CYB5R4: variants seen among roughly 807,000 people sequenced by gnomAD.
CYB5R4 encodes the protein N-terminal cytochrome b5 and cytochrome b5 oxidoreductase domain-containing protein.
In CYB5R4, 55 loss-of-function variants were observed where a neutral mutation model predicts 70.2. The observed-to-expected ratio is 0.78, with a 90% CI of 0.63 to 0.98. The LOEUF (loss-of-function observed/expected upper bound fraction) is 0.98, where lower values mean the gene tolerates loss of function less well. Ranked by LOEUF, CYB5R4 falls within the 50% of genes least tolerant of loss-of-function variation. The pLI is 0.00. For synonymous variants in CYB5R4, 197 were observed against 199.5 expected (o/e 0.99, Z 0.11); for missense variants, 562 against 612.6 (o/e 0.92, Z 0.87).
chr6:83,946,546 A>G (rs1187843723), intron 14 of CYB5R4, among the ~76,000 whole-genome samples: 1 of 152,166 alleles, frequency 6.6e-6, no homozygotes, highest in Non-Finnish European at 1.5e-5. Flanking sequence ...CTCCTATTCA[A>G]CATAGTATTG....
intron 7 of CYB5R4, 22 bp from the exon 8 acceptor site, chr6:83,921,060 C>G (rs1037338270): frequency 1.4e-6 from 2 of 1,442,598 alleles, no homozygotes; most frequent in Non-Finnish European, 9.3e-7. Flanking sequence ...TCTAATCTTT[C>G]TATTTTTGCT....
intron 14 of CYB5R4, among the ~76,000 whole-genome samples, chr6:83,944,690 C>T (rs1340117726): frequency 6.6e-6 from 1 of 151,906 alleles, no homozygotes; most frequent in Non-Finnish European, 1.5e-5. Context: ...TCAGGAGACC[C>T]ATCTCATGTA....
chr6:83,865,650 T>C (rs1367307795), intron 2 of CYB5R4, among the ~76,000 whole-genome samples: 3 of 152,180 alleles, frequency 2.0e-5, no homozygotes, highest in Non-Finnish European at 4.4e-5. Flanking sequence ...TATGACCTCA[T>C]TTAATTTTGC....
At chr6:83,865,789 G>A (rs1026269794) in intron 2 of CYB5R4, among the ~76,000 whole-genome samples, 38 of 152,136 alleles carry the variant, frequency 2.5e-4, no homozygotes, top group African/African-American at 8.7e-4. Flanking sequence ...GAAATTTTCA[G>A]TGGCAAAGGG....
intron 12 of CYB5R4, among the ~76,000 whole-genome samples, chr6:83,937,870 G>A (rs955668903): frequency 6.6e-6 from 1 of 152,166 alleles, no homozygotes; most frequent in Non-Finnish European, 1.5e-5. Flanking sequence ...GATCTATTAA[G>A]ATTTAAAAAC....
At chr6:83,950,168 T>G (rs939361578) in intron 14 of CYB5R4, among the ~76,000 whole-genome samples, 1 of 152,148 alleles carries the variant, frequency 6.6e-6, no homozygotes, top group African/African-American at 2.4e-5. Context: ...GATTTTCATG[T>G]CATTAAGTAT....
At chr6:83,888,962 A>C (rs910747303) in intron 2 of CYB5R4, among the ~76,000 whole-genome samples, 2 of 152,220 alleles carry the variant, frequency 1.3e-5, no homozygotes, top group African/African-American at 4.8e-5. Flanking sequence ...AGTGGTGTGG[A>C]TAGATTAAAC....
At chr6:83,949,931 A>G (rs2099471267) in intron 14 of CYB5R4, among the ~76,000 whole-genome samples, 1 of 152,164 alleles carries the variant, frequency 6.6e-6, no homozygotes, top group African/African-American at 2.4e-5. Flanking sequence ...CAGAATTAGT[A>G]TGTTTGTAGC....
At chr6:83,889,518 C>G (rs1204988569) in intron 2 of CYB5R4, among the ~76,000 whole-genome samples, 2 of 152,190 alleles carry the variant, frequency 1.3e-5, no homozygotes, top group East Asian at 1.9e-4. Flanking sequence ...GCATGGTTTA[C>G]TGAATATTTT....
chr6:83,940,313 C>T, intron 13 of CYB5R4, 107 bp downstream of exon 13: 1 of 1,167,356 alleles, frequency 8.6e-7, no homozygotes, highest in Non-Finnish European at 1.2e-6. Flanking sequence ...TTACCATTTC[C>T]TCATTCATCA....
At position 83,965,268 on chromosome 6, in the gene CYB5R4, G is replaced by A. The variant is rs2099473884; in HGVS notation, c.*5390G>A. The A allele has an allele frequency of 6.6e-6, 1 of 152,338 alleles. No individual in the cohort carries two copies. Among genetic ancestry groups the A allele is most frequent in the Non-Finnish European group, 1.5e-5 (1 of 68,156 alleles). The allele number at this position is 152,338 out of a possible 1,614,324, so 9.4% of individuals were successfully genotyped here. On this transcript the variant is annotated 3_prime_UTR_variant, in exon 16 of 16. Transcript: ENST00000369681. ...TACTCAACACCAGCCCATGAAAGCA[G>A]CCAGGATGGAGGCTGTACCCTGAAA... is the stretch of plus-strand genomic sequence containing the variant.
At position 83,892,968 on chromosome 6, in the gene CYB5R4, G is replaced by A. The variant is rs189236541; in HGVS notation, c.230-554G>A. On this transcript the variant is annotated intron_variant, in intron 2 of 15. Transcript: ENST00000369681. ...TGCATGTCTTGAGAGTAGAGGCACT[G>A]TCTTTTTGTACAGTCTTTTAAAGGA... Among the ~76,000 whole-genome samples the A allele has an allele frequency of 3.4e-4, 51 of 152,224 alleles. No individual in the cohort carries two copies. In the East Asian group the frequency reaches 9.5e-3, roughly 28 times the overall value.
intron 9 of CYB5R4, among the ~76,000 whole-genome samples, chr6:83,923,555 G>A (rs1046169254): frequency 5.3e-5 from 8 of 152,072 alleles, no homozygotes; most frequent in African/African-American, 1.9e-4. Context: ...ATCTTTAAAA[G>A]CATGTTCAAT....
At chr6:83,948,456 G>A (rs546084842) in intron 14 of CYB5R4, among the ~76,000 whole-genome samples, 1 of 152,104 alleles carries the variant, frequency 6.6e-6, no homozygotes, top group Non-Finnish European at 1.5e-5. Context: ...CCATGCACAT[G>A]TATACCTATG....
intron 10 of CYB5R4, among the ~76,000 whole-genome samples, chr6:83,931,803 A>ATT (rs751383236): frequency 1.9e-3 from 222 of 116,796 alleles, no homozygotes; most frequent in African/African-American, 7.7e-3. Flanking sequence ...ATATATATAT[A>ATT]TTTTTTTTTT....
At chr6:83,886,154 G>A (rs1364433707) in intron 2 of CYB5R4, among the ~76,000 whole-genome samples, 1 of 152,054 alleles carries the variant, frequency 6.6e-6, no homozygotes, top group Non-Finnish European at 1.5e-5. Flanking sequence ...TGCAGTATAG[G>A]GCATCCCATG....
intron 14 of CYB5R4, among the ~76,000 whole-genome samples, chr6:83,948,781 A>G (rs2099471070): frequency 6.6e-6 from 1 of 151,996 alleles, no homozygotes; most frequent in African/African-American, 2.4e-5. Flanking sequence ...GATCTACATA[A>G]TTTGGGTTGG....
chr6:83,940,116 T>C lies in CYB5R4; in HGVS notation c.1169T>C (p.Leu390Ser). 2 of 1,612,944 alleles carry C rather than the reference T, an allele frequency of 1.2e-6. No homozygotes were observed. Among genetic ancestry groups the C allele is most frequent in the Non-Finnish European group, 1.7e-6 (2 of 1,179,232 alleles). The change falls in exon 13 of 16, where the codon TTA becomes TCA. Residue 390 changes from leucine to serine, a missense_variant. Physicochemically the swap from Leu to Ser is moderately radical, Grantham distance 145 (BLOSUM62 -2). Coordinates refer to ENST00000369681, the MANE Select transcript of CYB5R4 (RefSeq NM_016230.4). ...GNFKISKFQE[L>S]EDLFLLAAGT... Reference sequence around the variant, plus strand: ...TTTAAAATATCCAAGTTCCAAGAATTAGAAGATCTCTTTTTGTTGGCAGCT... The same window carrying C: ...TTTAAAATATCCAAGTTCCAAGAATCAGAAGATCTCTTTTTGTTGGCAGCT...
Position 83,897,504 on chromosome 6 carries a change from A to G in CYB5R4, c.330+3882A>G, listed in dbSNP as rs114041514. On this transcript the variant is annotated intron_variant, in intron 3 of 15. Transcript: ENST00000369681. ...TTCCACAATGGTTGAACCAGTTTAC[A>G]GTCTCACTAACAGTAAAAGTGTTCC... Among the ~76,000 whole-genome samples the G allele has an allele frequency of 3.8e-3, 584 of 152,328 alleles. 2 individuals are homozygous for G. The highest frequency in any genetic ancestry group is 0.013 in the African/African-American group (539 of 41,582).
Sources: gnomAD v4.1 joint callset for allele counts (sites outside exome capture counted in the v4.1 genomes callset) on GRCh38, gnomAD v4.1.1 for gene constraint, MANE v1.5 for transcripts, NCBI Gene and HGNC (gene_info 2026-07-23, HGNC 2026-07-21) for gene names.